Variants in VWC2 observed in about 807,000 individuals in gnomAD.
VWC2 encodes the protein von Willebrand factor C domain containing 2, also known as brorin.
VWC2 carries 14 observed loss-of-function variants against 29.8 expected under a neutral mutation model. The observed-to-expected ratio is 0.47, with a 90% CI of 0.31 to 0.74. The LOEUF is 0.74. Ranked by LOEUF, VWC2 falls within the 30% of genes least tolerant of loss-of-function variation. VWC2 has a pLI of 0.05. For synonymous variants in VWC2, 213 were observed against 199.0 expected (o/e 1.07, Z -0.59); for missense variants, 457 against 459.8 (o/e 0.99, Z 0.05).
At chr7:49,904,669 A>G (rs1422800570) in intron 3 of VWC2, among the ~76,000 whole-genome samples, 1 of 152,176 alleles carries the variant, frequency 6.6e-6, no homozygotes, top group Non-Finnish European at 1.5e-5. Context: ...ACCTATTACA[A>G]GAGCAGTAAC....
chr7:49,827,976 C>A (rs1789441469), intron 3 of VWC2, among the ~76,000 whole-genome samples: 1 of 152,146 alleles, frequency 6.6e-6, no homozygotes, highest in Admixed American at 6.5e-5. Flanking sequence ...TTACATACTT[C>A]CACCAGCCAT....
intron 3 of VWC2, among the ~76,000 whole-genome samples, chr7:49,843,098 T>C (rs2128714045): frequency 6.6e-6 from 1 of 152,276 alleles, no homozygotes; most frequent in East Asian, 1.9e-4. Flanking sequence ...CCCCAGTGTC[T>C]ACTGGTACCA....
chr7:49,860,792 T>G (rs692478), intron 3 of VWC2, among the ~76,000 whole-genome samples: 1 of 152,050 alleles, frequency 6.6e-6, no homozygotes, highest in African/African-American at 2.4e-5. Flanking sequence ...TCTAATAGGG[T>G]TGGTCTCCCT....
intron 3 of VWC2, among the ~76,000 whole-genome samples, chr7:49,841,604 T>C (rs935912589): frequency 6.6e-6 from 1 of 152,232 alleles, no homozygotes; most frequent in African/African-American, 2.4e-5. Context: ...CGTGGAGCTT[T>C]TTCCCTCAGA....
At chr7:49,853,580 T>A (rs542021224) in intron 3 of VWC2, among the ~76,000 whole-genome samples, 32 of 152,264 alleles carry the variant, frequency 2.1e-4, no homozygotes. Context: ...ATAATGAGAT[T>A]AAATGAAAGA....
intron 3 of VWC2, among the ~76,000 whole-genome samples, chr7:49,813,373 C>T (rs1342219829): frequency 1.3e-5 from 2 of 152,230 alleles, no homozygotes; most frequent in Non-Finnish European, 2.9e-5. Context: ...GGGACCCATC[C>T]CTAGAGTGCC....
chr7:49,806,553 T>C (rs1788882898), intron 3 of VWC2, among the ~76,000 whole-genome samples: 1 of 152,192 alleles, frequency 6.6e-6, no homozygotes, highest in East Asian at 1.9e-4. Context: ...TATGACACTT[T>C]AAAGATAAAC....
intron 3 of VWC2, among the ~76,000 whole-genome samples, chr7:49,872,351 C>T (rs760045020): frequency 1.3e-5 from 2 of 151,800 alleles, no homozygotes; most frequent in Non-Finnish European, 2.9e-5. Context: ...TTAGATGTGC[C>T]GGGAACAATG....
chr7:49,912,058 C>T lies in VWC2; in HGVS notation c.851C>T (p.Ala284Val), dbSNP rs780603854. 9.9e-6 allele frequency: 16 copies of T among 1,613,662 alleles called. No individual in the cohort carries two copies. The highest frequency in any genetic ancestry group is 2.7e-5 in the African/African-American group (2 of 74,856). ...GGTCCAAACTGCTTTGCAGAAACCG[C>T]GGTGATCCCTGCTGGCAGAGAAGTG... ...KNGPNCFAET[A>V]VIPAGREVKT... The change falls in exon 4 of 4, where the codon GCG (alanine) becomes GTG (valine). Residue 284 changes from alanine to valine, a missense_variant. By Grantham distance (64) the Ala-to-Val change is moderately conservative (BLOSUM62 0). This residue lies in a region of VWC2 where 185 missense variants were observed against 257.1 expected (regional missense o/e 0.72). Coordinates refer to ENST00000340652, the MANE Select transcript of VWC2 (RefSeq NM_198570.5).
chr7:49,830,525 T>C (rs1789501552), intron 3 of VWC2, among the ~76,000 whole-genome samples: 1 of 152,184 alleles, frequency 6.6e-6, no homozygotes, highest in African/African-American at 2.4e-5. Flanking sequence ...TTCTCTTTTT[T>C]ATTATTATTA....
chr7:49,800,435 T>C (rs1307441868), intron 2 of VWC2, among the ~76,000 whole-genome samples: 1 of 152,144 alleles, frequency 6.6e-6, no homozygotes, highest in Non-Finnish European at 1.5e-5. Flanking sequence ...CCCTCCCTGG[T>C]GTATGCCTAG....
chr7:49,854,876 T>C (rs537666555), intron 3 of VWC2, among the ~76,000 whole-genome samples: 1 of 152,328 alleles, frequency 6.6e-6, no homozygotes, highest in South Asian at 2.1e-4. Flanking sequence ...ACCATATTTT[T>C]AGATTAGAAC....
chr7:49,829,887 T>C (rs187433961), intron 3 of VWC2, among the ~76,000 whole-genome samples: 2 of 152,368 alleles, frequency 1.3e-5, no homozygotes, highest in East Asian at 3.9e-4. Flanking sequence ...GGAGACTCTT[T>C]ATCTGCTACC....
intron 3 of VWC2, among the ~76,000 whole-genome samples, chr7:49,909,705 A>G (rs1202988989): frequency 6.6e-6 from 1 of 152,190 alleles, no homozygotes; most frequent in African/African-American, 2.4e-5. Flanking sequence ...AATTGGAACT[A>G]AAATTTGGGA....
At chr7:49,812,461 ATG>A (rs573502494) in intron 3 of VWC2, among the ~76,000 whole-genome samples, 27 of 152,302 alleles carry the variant, frequency 1.8e-4, no homozygotes, top group African/African-American at 6.5e-4. Flanking sequence ...TCCTGGTCTG[ATG>A]TCTTTAATAG....
intron 3 of VWC2, among the ~76,000 whole-genome samples, chr7:49,908,594 G>A (rs1793232398): frequency 6.6e-6 from 1 of 151,784 alleles, no homozygotes; most frequent in Admixed American, 6.6e-5. Flanking sequence ...TCCTATCTGT[G>A]CCCACCAAGA....
rs189986138 is a variant in VWC2 at position 49,880,438 on chromosome 7, T to C, written c.827-31596T>C. On this transcript the variant is annotated intron_variant, in intron 3 of 3. Transcript: ENST00000340652. Reference sequence around the variant, plus strand: ...AGCATTTTGTTTTCTTTTGTTTTGTTTTTGACCTGGAGTTTTCCTTGTGGG... The same window carrying C: ...AGCATTTTGTTTTCTTTTGTTTTGTCTTTGACCTGGAGTTTTCCTTGTGGG... Among the ~76,000 whole-genome samples, 98 of 151,764 alleles carry C rather than the reference T, an allele frequency of 6.5e-4. 1 individual carries two copies. The East Asian group carries it at 0.018, about 28-fold the overall frequency.
intron 3 of VWC2, among the ~76,000 whole-genome samples, chr7:49,834,637 A>G (rs73108879): frequency 0.19 from 28,663 of 152,250 alleles, 3,451 homozygotes; most frequent in Non-Finnish European, 0.28. Flanking sequence ...TAAATGCTGA[A>G]TATATTTGCC....
intron 3 of VWC2, among the ~76,000 whole-genome samples, chr7:49,880,467 A>AT (rs1405678183): frequency 2.0e-5 from 3 of 151,670 alleles, no homozygotes; most frequent in Non-Finnish European, 4.4e-5. Context: ...TTGTGGGAAG[A>AT]TTTTTTATTA....
Sources: allele counts gnomAD v4.1 joint callset (sites outside exome capture counted in the v4.1 genomes callset), GRCh38; gene constraint gnomAD v4.1.1; regional missense constraint gnomAD v4.1.1; transcripts MANE v1.5; gene names NCBI Gene and HGNC (gene_info 2026-07-23, HGNC 2026-07-21).